Variants in UACA observed in about 807,000 individuals in gnomAD.
UACA encodes uveal autoantigen with coiled-coil domains and ankyrin repeats, also known as nuclear membrane binding protein.
Under a neutral mutation model 160.5 loss-of-function variants are expected in UACA, and 112 were observed. The ratio of observed to expected loss-of-function variants is 0.70; its 90% CI spans 0.60 to 0.82. The LOEUF is 0.82. UACA is among the 40% of genes least tolerant of loss of function. UACA has a pLI of 0.00. For missense variants in UACA, 1,574 were observed against 1,614.6 expected, an observed-to-expected ratio of 0.97 and a Z score of 0.43; for synonymous variants, 557 against 568.4, an observed-to-expected ratio of 0.98 and a Z score of 0.29.
chr15:70,738,061 TA>T (rs1382147325), intron 1 of UACA, among the ~76,000 whole-genome samples: 1 of 152,250 alleles, frequency 6.6e-6, no homozygotes, highest in African/African-American at 2.4e-5. Context: ...AATAGACCCA[TA>T]AGTATATTAT....
chr15:70,743,728 T>G (rs1023988440), intron 1 of UACA, among the ~76,000 whole-genome samples: 3 of 152,110 alleles, frequency 2.0e-5, no homozygotes, highest in African/African-American at 7.2e-5. Flanking sequence ...CTAGTCCCAG[T>G]AAGAGGCTGA....
rs142769157 is a variant in UACA at position 70,669,383 on chromosome 15, G to A, written c.1301C>T (p.Thr434Met). 316 of 1,613,494 alleles carry A rather than the reference G, an allele frequency of 2.0e-4. No individual in the cohort carries two copies. Among genetic ancestry groups the A allele is most frequent in the Middle Eastern group, 4.9e-4 (3 of 6,076 alleles). Reference sequence around the variant, plus strand: ...TAAAATTTCATTTTCAGAGTATGACGTTTGACTGGGTAAAGATAGTTCCAG... The same window carrying A: ...TAAAATTTCATTTTCAGAGTATGACATTTGACTGGGTAAAGATAGTTCCAG... ...RPLELSLPSQ[T>M]SYSENEILKK... Residue 434 changes from threonine (T) to methionine (M), a missense_variant, in exon 16 of 19, where the codon ACG becomes ATG. By Grantham distance (81) the Thr-to-Met change is moderately conservative (BLOSUM62 -1). Coordinates refer to ENST00000322954, the MANE Select transcript of UACA (RefSeq NM_018003.4).
intron 9 of UACA, 119 bp from the exon 10 acceptor site, chr15:70,679,795 A>G: frequency 5.3e-6 from 3 of 563,766 alleles, no homozygotes; most frequent in South Asian, 2.4e-5. Flanking sequence ...TTAGCTGCAC[A>G]TAACACAAGG....
intron 1 of UACA, among the ~76,000 whole-genome samples, chr15:70,755,732 G>T (rs913379179): frequency 6.6e-6 from 1 of 150,624 alleles, no homozygotes; most frequent in Non-Finnish European, 1.5e-5. Context: ...CAAGCTGCAC[G>T]CCCTCTAACT....
intron 13 of UACA, among the ~76,000 whole-genome samples, chr15:70,673,027 C>T (rs563185084): frequency 1.3e-5 from 2 of 152,224 alleles, no homozygotes; most frequent in Non-Finnish European, 2.9e-5. Context: ...ACCTGGGAGG[C>T]GGAGGTTGCA....
chr15:70,676,396 T>C, intron 13 of UACA, 97 bp downstream of exon 13: 1 of 956,324 alleles, frequency 1.0e-6, no homozygotes, highest in Non-Finnish European at 1.5e-6. Context: ...AAGGTCACAC[T>C]ATAAATAAGA....
At chr15:70,715,481 C>T (rs766918263) in intron 1 of UACA, among the ~76,000 whole-genome samples, 35 of 152,080 alleles carry the variant, frequency 2.3e-4, no homozygotes, top group Admixed American at 5.2e-4. Context: ...AAAGACTCTT[C>T]AAGTACTAAA....
chr15:70,659,500 C>G (rs146581856), intron 18 of UACA, among the ~76,000 whole-genome samples: 27 of 128,406 alleles, frequency 2.1e-4, no homozygotes, highest in African/African-American at 7.3e-4. Flanking sequence ...AAATTTGTTT[C>G]TTTTAGTACA....
chr15:70,737,512 G>C (rs1694984678), intron 1 of UACA, among the ~76,000 whole-genome samples: 1 of 152,152 alleles, frequency 6.6e-6, no homozygotes, highest in Non-Finnish European at 1.5e-5. Flanking sequence ...TTCAAGACCA[G>C]CCTGGTCAAC....
chr15:70,664,853 T>C, intron 16 of UACA, 39 bp from the exon 17 acceptor site: 1 of 1,557,910 alleles, frequency 6.4e-7, no homozygotes, highest in Non-Finnish European at 8.8e-7. Flanking sequence ...ATTATTCACT[T>C]ATCATGTACA....
At chr15:70,711,889 C>T (rs1566987463) in intron 1 of UACA, among the ~76,000 whole-genome samples, 1 of 151,974 alleles carries the variant, frequency 6.6e-6, no homozygotes, top group African/African-American at 2.4e-5. Context: ...CAGAAAATCA[C>T]CAGGTTTGAA....
intron 1 of UACA, among the ~76,000 whole-genome samples, chr15:70,748,210 T>G (rs1281092006): frequency 6.6e-6 from 1 of 152,132 alleles, no homozygotes; most frequent in African/African-American, 2.4e-5. Flanking sequence ...TTCAATAAAT[T>G]TCAATTCTTA....
chr15:70,691,674 G>A (rs1897941081), intron 3 of UACA, among the ~76,000 whole-genome samples: 1 of 152,028 alleles, frequency 6.6e-6, no homozygotes, highest in Admixed American at 6.6e-5. Context: ...ATTAAATACT[G>A]GCACAGAGAA....
At chr15:70,692,952 T>A (rs989686642) in intron 3 of UACA, among the ~76,000 whole-genome samples, 1 of 152,052 alleles carries the variant, frequency 6.6e-6, no homozygotes, top group Admixed American at 6.6e-5. Context: ...TCTTTCAGGT[T>A]TTTCAATAAG....
chr15:70,777,501 G>T, the UACA span, among the ~76,000 whole-genome samples: 1 of 152,044 alleles, frequency 6.6e-6, no homozygotes, highest in African/African-American at 2.4e-5. Flanking sequence ...TGGAAGACAA[G>T]GATCCTATAA....
At chr15:70,766,188 C>T (rs2031005480), upstream of UACA, among the ~76,000 whole-genome samples, 2 of 152,176 alleles carry the variant, frequency 1.3e-5, no homozygotes, top group South Asian at 4.1e-4. Context: ...TGCTTATTCC[C>T]ATTTGAGAGC....
Position 70,666,924 on chromosome 15 carries a change from AC to A in UACA, c.3759del (p.Lys1253AsnfsTer45). ...AAAACTTCCTCACATACTTCCTCATACTTTCTATTCAGATTGGCCAATTTTT... is the reference window on the plus strand; with the variant it reads ...AAAACTTCCTCACATACTTCCTCATATTTCTATTCAGATTGGCCAATTTTT... ...LNEKLANLNR[K>X]YEEVCEEVLH... On this transcript the variant is annotated frameshift_variant, in exon 16 of 19. Coordinates refer to ENST00000322954, the MANE Select transcript of UACA (RefSeq NM_018003.4). LOFTEE classifies it high-confidence loss of function. 1.2e-6 allele frequency: 2 copies of A among 1,612,948 alleles called. No individual in the cohort carries two copies. The highest frequency in any genetic ancestry group is 1.7e-6 in the Non-Finnish European group (2 of 1,179,786).
At chr15:70,694,810 G>A (rs187930948) in intron 3 of UACA, among the ~76,000 whole-genome samples, 32 of 152,132 alleles carry the variant, frequency 2.1e-4, no homozygotes, top group African/African-American at 7.0e-4. Flanking sequence ...CCAACTGCTC[G>A]TCAGTAAAGC....
chr15:70,727,753 T>C (rs1410623553), intron 1 of UACA, among the ~76,000 whole-genome samples: 9 of 152,242 alleles, frequency 5.9e-5, no homozygotes, highest in Non-Finnish European at 1.5e-5. Flanking sequence ...TAAACTGTTC[T>C]AGAACTTCTA....
Sources: allele counts gnomAD v4.1 joint callset (sites outside exome capture counted in the v4.1 genomes callset), GRCh38; gene constraint gnomAD v4.1.1; transcripts MANE v1.5; gene names NCBI Gene and HGNC (gene_info 2026-07-23, HGNC 2026-07-21).